The following MYO5B variants were observed in gnomAD, a reference collection of about 807,000 sequenced individuals.
The protein encoded by MYO5B is unconventional myosin-Vb.
Under a neutral mutation model 229.3 loss-of-function variants are expected in MYO5B, and 143 were observed. The observed-to-expected ratio is 0.62, with a 90% CI of 0.54 to 0.72. MYO5B has a LOEUF of 0.72. MYO5B is among the 30% of genes least tolerant of loss of function. The pLI, the probability that MYO5B is intolerant of heterozygous loss-of-function variation, is 0.00. For synonymous variants in MYO5B, 918 were observed against 885.2 expected, an observed-to-expected ratio of 1.04 and a Z score of -0.66; for missense variants, 2,321 against 2,331.0, an observed-to-expected ratio of 1.00 and a Z score of 0.09.
chr18:50,175,564 C>T (rs1181218686), intron 1 of MYO5B, among the ~76,000 whole-genome samples: 1 of 152,224 alleles, frequency 6.6e-6, no homozygotes, highest in African/African-American at 2.4e-5. Context: ...TAAGTAGAAT[C>T]TCCAGAAAAT....
chr18:50,150,289 T>A lies in MYO5B; in HGVS notation c.27+44478A>T, dbSNP rs2032577494. ...AGTCAGTGTGGCGATTCCTCAGGGA[T>A]CTAGAACTAGAAATACCTTTTGACC... On this transcript the variant is annotated intron_variant, in intron 1 of 39. Coordinates refer to ENST00000285039, the MANE Select transcript of MYO5B (RefSeq NM_001080467.3). Among the ~76,000 whole-genome samples, 2 of 144,486 alleles carry A rather than the reference T, an allele frequency of 1.4e-5. 1 individual carries two copies. Among genetic ancestry groups the A allele is most frequent in the South Asian group, 4.8e-4 (2 of 4,126 alleles). 94.8% of individuals were successfully genotyped at this position (144,486 alleles called of 152,430 possible).
At chr18:49,886,956 G>A (rs1387588034) in intron 22 of MYO5B, among the ~76,000 whole-genome samples, 8 of 152,296 alleles carry the variant, frequency 5.3e-5, no homozygotes, top group Middle Eastern at 3.4e-3. Flanking sequence ...TGGTTTGGAC[G>A]TTCATTTCCT....
chr18:50,148,768 T>C (rs1204134981), intron 1 of MYO5B, among the ~76,000 whole-genome samples: 8 of 151,930 alleles, frequency 5.3e-5, no homozygotes, highest in Non-Finnish European at 7.4e-5. Flanking sequence ...CTTTGAAAAC[T>C]GGCACAAGAC....
At chr18:49,990,315 G>A (rs959434916) in intron 7 of MYO5B, 124 bp downstream of exon 7, 4 of 779,968 alleles carry the variant, frequency 5.1e-6, no homozygotes, top group East Asian at 2.7e-5. Context: ...TAGGGGTTAT[G>A]GCCACATAAG....
At chr18:50,161,256 T>C (rs1011415358) in intron 1 of MYO5B, among the ~76,000 whole-genome samples, 16 of 152,100 alleles carry the variant, frequency 1.1e-4, no homozygotes, top group African/African-American at 3.9e-4. Context: ...TGGTGGCACA[T>C]GCCTGTAATC....
chr18:50,173,697 G>T (rs1258023644), intron 1 of MYO5B, among the ~76,000 whole-genome samples: 1 of 152,160 alleles, frequency 6.6e-6, no homozygotes, highest in Non-Finnish European at 1.5e-5. Context: ...CCTGGATCTG[G>T]GTCTTAGGCT....
In MYO5B at chr18:49,953,311, T is replaced by C. The variant is rs768971291; in HGVS notation, c.1701A>G (p.Lys567=). Residue 567 remains lysine, a synonymous_variant, in exon 14 of 40, where the codon AAA becomes AAG. Coordinates refer to ENST00000285039, the MANE Select transcript of MYO5B (RefSeq NM_001080467.3). ...VEYLSDGFLE[K]NRDTVYEEQI... The stretch of plus-strand genomic sequence containing the variant: ...GCTCTTCATACACCGTGTCTCTGTT[T>C]TTCTCCAGAAAACCATCAGAGAGGT... 1.2e-6 allele frequency: 2 copies of C among 1,614,158 alleles called. No individual in the cohort carries two copies. The highest frequency in any genetic ancestry group is 2.2e-5 in the South Asian group (2 of 91,076).
intron 22 of MYO5B, among the ~76,000 whole-genome samples, chr18:49,883,625 T>C (rs1312337620): frequency 1.3e-5 from 2 of 150,152 alleles, no homozygotes; most frequent in East Asian, 1.9e-4. Flanking sequence ...ATTCATGAGC[T>C]GTTCCTTAAA....
chr18:49,877,889 A>G lies in MYO5B; in HGVS notation c.3277-7T>C. ...GCCTATGACCTGGAGTTTGCTGTTC[A>G]ACAAGAAAAACGTGATAGCTCATTA... On this transcript the variant is annotated splice_region_variant and splice_polypyrimidine_tract_variant and intron_variant, in intron 24 of 39. Transcript: ENST00000285039. 1 of 1,614,050 alleles carries G rather than the reference A, an allele frequency of 6.2e-7. No homozygotes were observed.
At chr18:50,132,806 C>T (rs1193916313) in intron 1 of MYO5B, among the ~76,000 whole-genome samples, 1 of 152,212 alleles carries the variant, frequency 6.6e-6, no homozygotes, top group African/African-American at 2.4e-5. Context: ...TTGGCTGAAG[C>T]GTGAAAGGCA....
At chr18:49,904,490 C>A (rs1244176170) in intron 20 of MYO5B, among the ~76,000 whole-genome samples, 182 bp downstream of exon 20, 2 of 152,214 alleles carry the variant, frequency 1.3e-5, no homozygotes, top group Admixed American at 1.3e-4. Flanking sequence ...TGGACTAAGA[C>A]AACAGTATGC....
intron 1 of MYO5B, among the ~76,000 whole-genome samples, chr18:50,167,386 A>G (rs1012792272): frequency 2.0e-5 from 3 of 152,222 alleles, no homozygotes; most frequent in Non-Finnish European, 4.4e-5. Context: ...CTTAAGTTTC[A>G]TAAGTGACAG....
At chr18:49,839,531 C>T (rs2024031555) in intron 35 of MYO5B, among the ~76,000 whole-genome samples, 1 of 152,202 alleles carries the variant, frequency 6.6e-6, no homozygotes, top group Non-Finnish European at 1.5e-5. Context: ...TCGCTCAGTC[C>T]AAATCCCTGA....
intron 1 of MYO5B, among the ~76,000 whole-genome samples, chr18:50,180,410 C>T (rs1448007169): frequency 6.6e-6 from 1 of 152,148 alleles, no homozygotes; most frequent in Non-Finnish European, 1.5e-5. Context: ...AGAGGTTATG[C>T]CTAAGATTAC....
chr18:49,943,009 T>C (rs994910073), intron 14 of MYO5B, among the ~76,000 whole-genome samples: 10 of 152,004 alleles, frequency 6.6e-5, no homozygotes, highest in African/African-American at 9.7e-5. Context: ...ATGTGGCACA[T>C]ATACACCATG....
At chr18:50,178,355 G>A (rs1488417977) in intron 1 of MYO5B, among the ~76,000 whole-genome samples, 1 of 152,148 alleles carries the variant, frequency 6.6e-6, no homozygotes, top group Non-Finnish European at 1.5e-5. Flanking sequence ...TCCCTGTCTG[G>A]TGCCATGAAC....
chr18:50,028,492 G>T (rs1187021213), intron 4 of MYO5B, among the ~76,000 whole-genome samples: 1 of 152,154 alleles, frequency 6.6e-6, no homozygotes, highest in Non-Finnish European at 1.5e-5. Context: ...GCAGTGGGGG[G>T]AGCCAGGAGG....
chr18:49,945,347 C>T (rs1168005774), intron 14 of MYO5B, among the ~76,000 whole-genome samples: 1 of 152,192 alleles, frequency 6.6e-6, no homozygotes, highest in Non-Finnish European at 1.5e-5. Context: ...GCCCAAACCA[C>T]CTTCACCCAC....
chr18:50,131,670 C>G (rs76927522), intron 1 of MYO5B, among the ~76,000 whole-genome samples: 9,995 of 152,198 alleles, frequency 0.066, 402 homozygotes, highest in African/African-American at 0.11. Context: ...AGCTCAAAAA[C>G]CTATGGGGGC....
Sources: gnomAD v4.1 joint callset for allele counts (sites outside exome capture counted in the v4.1 genomes callset) on GRCh38, gnomAD v4.1.1 for gene constraint, MANE v1.5 for transcripts, NCBI Gene and HGNC (gene_info 2026-07-23, HGNC 2026-07-21) for gene names.